The following LGALS12 variants were observed in gnomAD, a reference collection of about 807,000 sequenced individuals.
LGALS12 encodes galectin 12, also known as galectin-12.
Under a neutral mutation model 36.8 loss-of-function variants are expected in LGALS12, and 36 were observed. The ratio of observed to expected loss-of-function variants is 0.98; its 90% CI spans 0.75 to 1.29. The LOEUF is 1.29. LGALS12 is among the 50% of genes most tolerant of loss of function. LGALS12 has a pLI of 0.00. For missense variants in LGALS12, 366 were observed against 394.3 expected (o/e 0.93, Z 0.61); for synonymous variants, 145 against 155.9 (o/e 0.93, Z 0.52).
Position 63,506,263 on chromosome 11 carries a change from G to T in LGALS12, c.-196G>T. ...GCTGTATACCACCGGGAGTGGGGCT[G>T]GTGTGGAGCCTGGAGGTCGCCCGCT... is the stretch of plus-strand genomic sequence containing the variant. On this transcript the variant is annotated 5_prime_UTR_variant, in exon 1 of 9. Coordinates refer to ENST00000394618, the MANE Select transcript of LGALS12 (RefSeq NM_033101.4). 1.0e-6 allele frequency: 1 copy of T among 955,352 alleles called. No individual in the cohort carries two copies. The allele number at this position is 955,352 out of a possible 1,614,324, so 59.2% of individuals were successfully genotyped here. A position where few individuals can be genotyped will look rare whatever the true frequency, so the allele number is the denominator to read the frequency against.
intron 4 of LGALS12, 101 bp downstream of exon 4, chr11:63,509,998 G>C (rs2016869956): frequency 1.4e-6 from 2 of 1,405,662 alleles, no homozygotes; most frequent in African/African-American, 2.9e-5. Context: ...GACTGAGAGA[G>C]AGGACGCCCT....
At chr11:63,511,655 A>T in intron 6 of LGALS12, 97 bp from the exon 7 acceptor site, 1 of 816,274 alleles carries the variant, frequency 1.2e-6, no homozygotes, top group Non-Finnish European at 2.1e-6. Flanking sequence ...CCTGGGCAGA[A>T]CATGCCTGCC....
intron 8 of LGALS12, 22 bp from the exon 9 acceptor site, chr11:63,516,225 C>T (rs374716391): frequency 6.5e-7 from 1 of 1,537,426 alleles, no homozygotes; most frequent in African/African-American, 1.4e-5. Context: ...AGCTGCAACC[C>T]CCTCATGTCC....
chr11:63,511,152 G>T, intron 6 of LGALS12, 47 bp downstream of exon 6: 1 of 1,570,778 alleles, frequency 6.4e-7, no homozygotes, highest in Non-Finnish European at 8.7e-7. Flanking sequence ...GGCGCAGCCT[G>T]GGTGAGCAGC....
intron 5 of LGALS12, 137 bp from the exon 6 acceptor site, chr11:63,510,942 C>T (rs774484259): frequency 1.0e-5 from 8 of 803,728 alleles, no homozygotes; most frequent in Non-Finnish European, 1.5e-5. Context: ...GAGGATCCCA[C>T]TGGGGCTCCA....
chr11:63,506,094 G>A lies in LGALS12; in HGVS notation c.-365G>A, dbSNP rs1000840899. On this transcript the variant is annotated 5_prime_UTR_variant, in exon 1 of 9. Coordinates refer to ENST00000394618, the MANE Select transcript of LGALS12 (RefSeq NM_033101.4). ...CTCGAGTTGGAAACCACAAACCCTC[G>A]TTGGCCCCACAGGAGCCAGCCTCTG... is the stretch of plus-strand genomic sequence containing the variant. 9 of 341,884 alleles carry A rather than the reference G, an allele frequency of 2.6e-5. No homozygotes were observed. Among genetic ancestry groups the A allele is most frequent in the Non-Finnish European group, 3.8e-5 (7 of 184,242 alleles). 21.2% of individuals were successfully genotyped at this position (341,884 alleles called of 1,614,324 possible).
intron 7 of LGALS12, among the ~76,000 whole-genome samples, 196 bp from the exon 8 acceptor site, chr11:63,515,367 A>G (rs772599654): frequency 2.6e-5 from 4 of 152,192 alleles, no homozygotes; most frequent in African/African-American, 2.4e-5. Context: ...TCTCAAGTTC[A>G]TCTAGAACTC....
At chr11:63,506,590 C>T in intron 1 of LGALS12, 63 bp downstream of exon 1, 2 of 1,605,050 alleles carry the variant, frequency 1.2e-6, no homozygotes, top group African/African-American at 1.3e-5. Flanking sequence ...CAACTGGGCC[C>T]ACACTCCTGG....
intron 1 of LGALS12, among the ~76,000 whole-genome samples, chr11:63,507,301 A>C (rs541024732): frequency 4.7e-4 from 71 of 151,964 alleles, no homozygotes; most frequent in African/African-American, 1.7e-3. Context: ...GGTGGTTTTC[A>C]GTTTTTTCTA....
At position 63,516,255 on chromosome 11, in the gene LGALS12, C is replaced by A. The variant is rs762443964; in HGVS notation, c.807C>A (p.Leu269=). ...FYPQRFFEVL[L]LFQEGGLKLA... is the part of the protein sequence containing the mutation. Reference sequence around the variant, plus strand: ...ATGTCCTCCTTTCCCAGGTGCTGCTCCTGTTCCAGGAGGGAGGGCTGAAGC... The same window carrying A: ...ATGTCCTCCTTTCCCAGGTGCTGCTACTGTTCCAGGAGGGAGGGCTGAAGC... Residue 269 remains leucine (L), a synonymous_variant, in exon 9 of 9, where the codon CTC becomes CTA. Coordinates refer to ENST00000394618, the MANE Select transcript of LGALS12 (RefSeq NM_033101.4). The A allele has an allele frequency of 6.3e-7, 1 of 1,578,516 alleles. No homozygotes were observed.
In LGALS12 at chr11:63,516,714, G is replaced by A; in HGVS notation, c.*321G>A. ...AAAATACAATGGCTTAAAGAATGTGGTCATTTATTCTTTATTATTTATTTA... is the reference window on the plus strand; with the variant it reads ...AAAATACAATGGCTTAAAGAATGTGATCATTTATTCTTTATTATTTATTTA... On this transcript the variant is annotated 3_prime_UTR_variant, in exon 9 of 9. Transcript: ENST00000394618. 3.4e-6 allele frequency: 1 copy of A among 294,826 alleles called. No individual in the cohort carries two copies. The highest frequency in any genetic ancestry group is 6.3e-6 in the Non-Finnish European group (1 of 157,808). The allele number at this position is 294,826 out of a possible 1,614,324, so 18.3% of individuals were successfully genotyped here. A position where few individuals can be genotyped will look rare whatever the true frequency, so the allele number is the denominator to read the frequency against.
intron 5 of LGALS12, 46 bp downstream of exon 5, chr11:63,510,547 C>T (rs577245890): frequency 6.2e-5 from 99 of 1,592,486 alleles, no homozygotes; most frequent in Non-Finnish European, 7.9e-5. Flanking sequence ...CCAGCTGACC[C>T]GCCCTTCTGG....
chr11:63,511,333 G>A (rs988124240), intron 6 of LGALS12, among the ~76,000 whole-genome samples: 24 of 152,226 alleles, frequency 1.6e-4, no homozygotes, highest in African/African-American at 5.1e-4. Flanking sequence ...TCAGGCTGAA[G>A]CTCCAGCTTC....
intron 6 of LGALS12, 95 bp from the exon 7 acceptor site, chr11:63,511,657 A>G (rs2016924969): frequency 1.2e-6 from 1 of 829,350 alleles, no homozygotes; most frequent in South Asian, 1.4e-5. Context: ...TGGGCAGAAC[A>G]TGCCTGCCCC....
rs948557020 is a variant in LGALS12 at position 63,507,941 on chromosome 11, T to C, written c.70-612T>C. ...TTAGTAGAGATAGGGTTTCACCATGTTGGCCAAGCTGGTCTCGAACTCCTG... is the reference window on the plus strand; with the variant it reads ...TTAGTAGAGATAGGGTTTCACCATGCTGGCCAAGCTGGTCTCGAACTCCTG... On this transcript the variant is annotated intron_variant, in intron 1 of 8. Transcript: ENST00000394618. 2.4e-5 allele frequency: 17 copies of C among 705,386 alleles called. No homozygotes were observed. The African/African-American group carries it at 2.9e-4, about 12-fold the overall frequency. The allele number at this position is 705,386 out of a possible 1,614,324, so 43.7% of individuals were successfully genotyped here.
rs900592304 is a variant in LGALS12, at chr11:63,516,488, C to A, written c.*95C>A. On this transcript the variant is annotated 3_prime_UTR_variant, in exon 9 of 9. Transcript: ENST00000394618. ...CCTCATTAAACCATCCACCTGACACCAGCACATCAGGCCTGGTTCACCTCT... is the reference window on the plus strand; with the variant it reads ...CCTCATTAAACCATCCACCTGACACAAGCACATCAGGCCTGGTTCACCTCT... 6.4e-6 allele frequency: 9 copies of A among 1,408,032 alleles called. No homozygotes were observed. The highest frequency in any genetic ancestry group is 8.9e-6 in the Non-Finnish European group (9 of 1,010,326). The allele number at this position is 1,408,032 out of a possible 1,614,324, so 87.2% of individuals were successfully genotyped here. A position where few individuals can be genotyped will look rare whatever the true frequency, so the allele number is the denominator to read the frequency against.
rs111264048 is a variant in LGALS12 at position 63,508,542 on chromosome 11, T to C, written c.70-11T>C. 3.8e-5 allele frequency: 62 copies of C among 1,614,168 alleles called. No individual in the cohort carries two copies. The African/African-American group carries it at 6.8e-4, about 18-fold the overall frequency. ...CCAAACCTGCATGGATGAGTTTCTT[T>C]TCTTGTTCAGGTGGTTCCTTATGTC... On this transcript the variant is annotated splice_polypyrimidine_tract_variant and intron_variant, in intron 1 of 8. Coordinates refer to ENST00000394618, the MANE Select transcript of LGALS12 (RefSeq NM_033101.4).
In LGALS12 at chr11:63,508,924, C is replaced by G. The variant is rs1272590355; in HGVS notation, c.305C>G (p.Pro102Arg). 6.2e-7 allele frequency: 1 copy of G among 1,614,100 alleles called. No homozygotes were observed. Among genetic ancestry groups the G allele is most frequent in the African/African-American group, 1.3e-5 (1 of 74,954 alleles). ...CGCTGGCAAAGGGAGGCCCGGTGGC[C>G]CCACCTGGCCCTGCGAAGAGGCTCC... ...GGRWQREARW[P>R]HLALRRGSSF... Residue 102 changes from proline to arginine, a missense_variant, in exon 3 of 9, where the codon CCC becomes CGC. Coordinates refer to ENST00000394618, the MANE Select transcript of LGALS12 (RefSeq NM_033101.4).
chr11:63,511,735 C>G lies in LGALS12; in HGVS notation c.559-17C>G. 1 of 1,597,238 alleles carries G rather than the reference C, an allele frequency of 6.3e-7. No homozygotes were observed. Among genetic ancestry groups the G allele is most frequent in the Non-Finnish European group, 8.6e-7 (1 of 1,165,254 alleles). Reference sequence around the variant, plus strand: ...CCCCTGGAAGTCAACTTCTCAATACCTCCCTTGTTCCTTCAGGAGGTGCCC... The same window carrying G: ...CCCCTGGAAGTCAACTTCTCAATACGTCCCTTGTTCCTTCAGGAGGTGCCC... On this transcript the variant is annotated splice_polypyrimidine_tract_variant and intron_variant, in intron 6 of 8. Transcript: ENST00000394618.
Sources: allele counts gnomAD v4.1 joint callset (sites outside exome capture counted in the v4.1 genomes callset), GRCh38; gene constraint gnomAD v4.1.1; transcripts MANE v1.5; gene names NCBI Gene and HGNC (gene_info 2026-07-23, HGNC 2026-07-21).